SCFD2: variants seen among roughly 807,000 people sequenced by gnomAD.
SCFD2 encodes the protein sec1 family domain containing 2, also known as sec1 family domain-containing protein 2.
Under a neutral mutation model 58.9 loss-of-function variants are expected in SCFD2, and 54 were observed. The observed-to-expected ratio is 0.92, with a 90% CI of 0.74 to 1.15. SCFD2 has a LOEUF of 1.15. Among genes scored for constraint, SCFD2 ranks in the 50% most tolerant of loss-of-function variants. The pLI is 0.00. For synonymous variants in SCFD2, 321 were observed against 335.9 expected, an observed-to-expected ratio of 0.96 and a Z score of 0.49; for missense variants, 805 against 836.6, an observed-to-expected ratio of 0.96 and a Z score of 0.47.
At chr4:53,073,429 A>G (rs1389240687) in intron 5 of SCFD2, among the ~76,000 whole-genome samples, 1 of 152,142 alleles carries the variant, frequency 6.6e-6, no homozygotes, top group Non-Finnish European at 1.5e-5. Flanking sequence ...TACAAGCCCA[A>G]TACAGTTGAT....
intron 7 of SCFD2, among the ~76,000 whole-genome samples, chr4:52,906,173 C>T (rs971186174): frequency 3.3e-5 from 5 of 152,134 alleles, no homozygotes; most frequent in Non-Finnish European, 7.3e-5. Flanking sequence ...GTACCCTTGG[C>T]CAGACCCCCC....
intron 4 of SCFD2, among the ~76,000 whole-genome samples, chr4:53,229,102 T>A (rs1729334354): frequency 6.6e-6 from 1 of 152,094 alleles, no homozygotes; most frequent in African/African-American, 2.4e-5. Context: ...TACAAACCAC[T>A]GCTCAATGAA....
At chr4:52,958,957 G>A (rs551790056) in intron 5 of SCFD2, among the ~76,000 whole-genome samples, 10 of 152,254 alleles carry the variant, frequency 6.6e-5, no homozygotes, top group African/African-American at 2.4e-4. Flanking sequence ...GTATTATCAT[G>A]TGTAATCCTC....
At chr4:52,914,561 C>T (rs1401257401) in intron 6 of SCFD2, among the ~76,000 whole-genome samples, 1 of 152,122 alleles carries the variant, frequency 6.6e-6, no homozygotes, top group African/African-American at 2.4e-5. Flanking sequence ...TGATGGGGAG[C>T]TACTTTCCTG....
At chr4:53,043,269 A>G (rs528588490) in intron 5 of SCFD2, among the ~76,000 whole-genome samples, 2 of 152,286 alleles carry the variant, frequency 1.3e-5, no homozygotes, top group South Asian at 4.1e-4. Flanking sequence ...TGACAAGTGA[A>G]AGAAAAGGGA....
chr4:53,183,275 G>A (rs556853166), intron 4 of SCFD2, among the ~76,000 whole-genome samples: 12 of 152,256 alleles, frequency 7.9e-5, no homozygotes, highest in South Asian at 2.1e-4. Context: ...ACAATAGACC[G>A]GATTATGAAA....
chr4:52,906,041 A>G (rs1464448036), intron 7 of SCFD2, among the ~76,000 whole-genome samples: 1 of 152,226 alleles, frequency 6.6e-6, no homozygotes, highest in East Asian at 1.9e-4. Flanking sequence ...TATTTGATCA[A>G]AGATCCCTTT....
chr4:53,204,160 C>G (rs1335640864), intron 4 of SCFD2, among the ~76,000 whole-genome samples: 1 of 152,070 alleles, frequency 6.6e-6, no homozygotes, highest in Non-Finnish European at 1.5e-5. Flanking sequence ...ACAAACCCCC[C>G]ATAAACTTAG....
chr4:53,198,449 T>A (rs1728125206), intron 4 of SCFD2, among the ~76,000 whole-genome samples: 1 of 152,040 alleles, frequency 6.6e-6, no homozygotes, highest in South Asian at 2.1e-4. Context: ...ATATTTTAAA[T>A]GTAAAAAAAG....
chr4:53,181,803 CAA>C (rs1727568384), intron 4 of SCFD2, among the ~76,000 whole-genome samples: 1 of 152,204 alleles, frequency 6.6e-6, no homozygotes, highest in Non-Finnish European at 1.5e-5. Context: ...GCAACTTCAG[CAA>C]AGTCTCAGGA....
chr4:53,271,038 T>A (rs547145725), intron 4 of SCFD2, among the ~76,000 whole-genome samples: 8 of 149,830 alleles, frequency 5.3e-5, no homozygotes, highest in African/African-American at 2.0e-4. Context: ...ATTCAGAAAG[T>A]TTTTTTTTCT....
intron 4 of SCFD2, among the ~76,000 whole-genome samples, chr4:53,221,984 A>AC (rs1729059941): frequency 6.6e-6 from 1 of 152,190 alleles, no homozygotes; most frequent in African/African-American, 2.4e-5. Context: ...AATGTACCTG[A>AC]CATTACTTTG....
chr4:53,324,862 C>A (rs1733138376), intron 2 of SCFD2, among the ~76,000 whole-genome samples: 1 of 152,088 alleles, frequency 6.6e-6, no homozygotes, highest in African/African-American at 2.4e-5. Context: ...CTCCAGGTGC[C>A]AGAGCATCAA....
intron 1 of SCFD2, among the ~76,000 whole-genome samples, chr4:53,355,794 T>C (rs1734382482): frequency 6.6e-6 from 1 of 152,178 alleles, no homozygotes; most frequent in Admixed American, 6.5e-5. Context: ...ATGACACACA[T>C]GCTCCCACCT....
chr4:52,921,987 G>A (rs1277699635), intron 5 of SCFD2, among the ~76,000 whole-genome samples: 1 of 152,086 alleles, frequency 6.6e-6, no homozygotes, highest in Admixed American at 6.6e-5. Context: ...GGCCCCAGAA[G>A]GATGAAGCAC....
rs989075057 is a variant in SCFD2 at position 52,892,221 on chromosome 4, C to T, written c.1843-6355G>A. Among the ~76,000 whole-genome samples, 7 of 152,304 alleles carry T rather than the reference C, an allele frequency of 4.6e-5. No homozygotes were observed. The East Asian group carries it at 7.7e-4, about 17-fold the overall frequency. ...GCCCTAGACAGCCTCCACTCATTTA[C>T]GGCTGCATCCCCTCAATCCCCGTCC... On this transcript the variant is annotated intron_variant, in intron 7 of 8. Coordinates refer to ENST00000401642, the MANE Select transcript of SCFD2 (RefSeq NM_152540.4).
intron 5 of SCFD2, among the ~76,000 whole-genome samples, chr4:53,009,978 G>A (rs532317720): frequency 3.9e-5 from 6 of 152,144 alleles, no homozygotes; most frequent in East Asian, 3.9e-4. Context: ...ATACTTTCTC[G>A]GGCTGCACTG....
rs536279916 is a variant in SCFD2 at position 53,216,389 on chromosome 4, C to T, written c.1311+57437G>A. Among the ~76,000 whole-genome samples the T allele has an allele frequency of 2.6e-5, 4 of 152,228 alleles. No individual in the cohort carries two copies. In the South Asian group the frequency reaches 6.2e-4, roughly 24 times the overall value. ...TTTAGTCTTGGGAGGGTGTATGTGT[C>T]CAGGAATTTATCCATTTCTTCTAGA... On this transcript the variant is annotated intron_variant, in intron 4 of 8. Coordinates refer to ENST00000401642, the MANE Select transcript of SCFD2 (RefSeq NM_152540.4).
chr4:53,348,119 T>A (rs1734108834), intron 2 of SCFD2, among the ~76,000 whole-genome samples: 1 of 152,224 alleles, frequency 6.6e-6, no homozygotes, highest in Non-Finnish European at 1.5e-5. Flanking sequence ...GAAGGCCATG[T>A]TAAAATGCAT....
Sources: gnomAD v4.1 joint callset for allele counts (sites outside exome capture counted in the v4.1 genomes callset) on GRCh38, gnomAD v4.1.1 for gene constraint, MANE v1.5 for transcripts, NCBI Gene and HGNC (gene_info 2026-07-23, HGNC 2026-07-21) for gene names.